AGAP3: variants seen among roughly 807,000 people sequenced by gnomAD.
AGAP3 encodes the protein ArfGAP with GTPase domain, ankyrin repeat and PH domain 3.
A neutral mutation model predicts 96.9 loss-of-function variants in AGAP3; 24 were observed. The observed-to-expected ratio is 0.25, with a 90% CI of 0.18 to 0.35. The LOEUF (loss-of-function observed/expected upper bound fraction) is 0.35, where lower values mean the gene tolerates loss of function less well. AGAP3 is among the 10% of genes least tolerant of loss of function. The probability of loss-of-function intolerance (pLI) is 1.00; values close to 1 mark genes in which losing one functional copy is unlikely to be tolerated. For synonymous variants in AGAP3, 563 were observed against 536.1 expected, an observed-to-expected ratio of 1.05 and a Z score of -0.69; for missense variants, 876 against 1,254.2, an observed-to-expected ratio of 0.70 and a Z score of 4.55.
rs774517617 is a variant in AGAP3 at position 151,134,519 on chromosome 7, C to G, written c.1446C>G (p.Ala482=). 2.5e-6 allele frequency: 4 copies of G among 1,613,196 alleles called. No individual in the cohort carries two copies. Among genetic ancestry groups the G allele is most frequent in the Non-Finnish European group, 2.5e-6 (3 of 1,179,954 alleles). ...PATAPGTSPR[A]NGLSVERSNT... ...CAGCCCCGGGCACCAGCCCCCGTGC[C>G]AACGGGCTGTCCGTGGAGCGGAGTA... The change falls in exon 11 of 18, where the codon GCC becomes GCG. Residue 482 remains alanine, a synonymous_variant. Transcript: ENST00000397238.
At position 151,118,366 on chromosome 7, in the gene AGAP3, A is replaced by T. The variant is rs766751188; in HGVS notation, c.841+22A>T. 4 of 1,601,856 alleles carry T rather than the reference A, an allele frequency of 2.5e-6. No homozygotes were observed. The South Asian group carries it at 3.3e-5, about 13-fold the overall frequency. ...GACGGTAACTCGGGTGCCGGGTGGG[A>T]GTCACTGGCAGCCGCGGCCCCAGTG... On this transcript the variant is annotated intron_variant, in intron 6 of 17. Coordinates refer to ENST00000397238, the MANE Select transcript of AGAP3 (RefSeq NM_031946.7). This position sits in a 1 kb window ranked among gnomAD's most constrained non-coding sequence, Gnocchi z 6.1.
intron 1 of AGAP3, chr7:151,115,267 G>C (rs1344127214): frequency 2.0e-6 from 2 of 1,001,344 alleles, no homozygotes; most frequent in Non-Finnish European, 2.4e-6. Context: ...AGCAGCCAGC[G>C]CTGGCCAGTG....
chr7:151,096,498 A>C lies in AGAP3; in HGVS notation c.331+9426A>C, dbSNP rs1798609038. ...TTTTCTTTTTTTTTTTTTGAGGTGGAGTCTCGCTCTGTCGCCCAGGCTGGA... is the reference window on the plus strand; with the variant it reads ...TTTTCTTTTTTTTTTTTTGAGGTGGCGTCTCGCTCTGTCGCCCAGGCTGGA... On this transcript the variant is annotated intron_variant, in intron 1 of 17. Coordinates refer to ENST00000397238, the MANE Select transcript of AGAP3 (RefSeq NM_031946.7). This position sits in a 1 kb window ranked among gnomAD's most constrained non-coding sequence, Gnocchi z 4.4. Among the ~76,000 whole-genome samples the C allele has an allele frequency of 6.8e-6, 1 of 147,464 alleles. No homozygotes were observed. Among genetic ancestry groups the C allele is most frequent in the South Asian group, 2.1e-4 (1 of 4,672 alleles).
At position 151,103,334 on chromosome 7, in the gene AGAP3, C is replaced by T. The variant is rs141316561; in HGVS notation, c.332-13459C>T. ...TTATGCACAGGGAGAAAGATAAGAC[C>T]TTTAAAAACAGAGCAGAAATTTAGA... On this transcript the variant is annotated intron_variant, in intron 1 of 17. Transcript: ENST00000397238. Among the ~76,000 whole-genome samples, 249 of 152,292 alleles carry T rather than the reference C, an allele frequency of 1.6e-3. 1 individual carries two copies. Among genetic ancestry groups the T allele is most frequent in the African/African-American group, 5.2e-3 (216 of 41,544 alleles).
upstream of AGAP3, among the ~76,000 whole-genome samples, chr7:151,086,239 G>C (rs1197760589): frequency 6.6e-6 from 1 of 151,922 alleles, no homozygotes; most frequent in East Asian, 1.9e-4. Context: ...TGAGGAGGCG[G>C]AAGGGCCGAG....
rs1344703036 is a variant in AGAP3 at position 151,109,173 on chromosome 7, A to AC, written c.332-7620_332-7619insC. Among the ~76,000 whole-genome samples the AC allele has an allele frequency of 2.0e-5, 3 of 147,504 alleles. No homozygotes were observed. In the East Asian group the frequency reaches 6.1e-4, roughly 30 times the overall value. ...TGAGACTCCCACCTCTGTAAAAAAA[A>AC]AAAAAAACAAAAAACAAAAAACAAA... On this transcript the variant is annotated intron_variant, in intron 1 of 17. Transcript: ENST00000397238.
intron 8 of AGAP3, chr7:151,123,455 T>G: frequency 8.7e-7 from 1 of 1,155,418 alleles, no homozygotes; most frequent in South Asian, 2.4e-5. Context: ...TCGCGCCCTG[T>G]GCTCCCGACC....
chr7:151,095,184 G>A (rs10952301), intron 1 of AGAP3, among the ~76,000 whole-genome samples: 118,192 of 152,186 alleles, frequency 0.78, 45,980 homozygotes, highest in East Asian at 0.98. Flanking sequence ...CTCTTTTAAT[G>A]TAGGTTTTTC....
intron 1 of AGAP3, among the ~76,000 whole-genome samples, chr7:151,100,031 A>G (rs1798774132): frequency 6.6e-6 from 1 of 152,158 alleles, no homozygotes; most frequent in African/African-American, 2.4e-5. Flanking sequence ...TGCAGCAGTC[A>G]GTGACGGATC....
At position 151,141,862 on chromosome 7, in the gene AGAP3, C is replaced by T. The variant is rs1394381344; in HGVS notation, c.1805-36C>T. 1.2e-6 allele frequency: 2 copies of T among 1,613,976 alleles called. No homozygotes were observed. Among genetic ancestry groups the T allele is most frequent in the Non-Finnish European group, 1.7e-6 (2 of 1,179,886 alleles). On this transcript the variant is annotated intron_variant, in intron 13 of 17. Coordinates refer to ENST00000397238, the MANE Select transcript of AGAP3 (RefSeq NM_031946.7). The surrounding 1 kb of genome is among the most constrained non-coding windows in gnomAD (Gnocchi z 4.2). The stretch of plus-strand genomic sequence containing the variant: ...AGCATGCCCTGGGTGTGCACGCAGG[C>T]CAGGAGCCCTGATGGCATAAACACC...
At chr7:151,116,996 C>T in intron 2 of AGAP3, 99 bp from the exon 3 acceptor site, 2 of 1,479,922 alleles carry the variant, frequency 1.4e-6, no homozygotes, top group Non-Finnish European at 1.9e-6. Context: ...CCCTTCAGCC[C>T]TGGCCTTTCT....
chr7:151,108,354 G>A lies in AGAP3; in HGVS notation c.332-8439G>A, dbSNP rs1283837392. Among the ~76,000 whole-genome samples, 2 of 152,088 alleles carry A rather than the reference G, an allele frequency of 1.3e-5. No homozygotes were observed. ...AAGGCCATTTTCGGCTGGAATGACA[G>A]CCACTCCCACCCCCACCCTGGGGTA... On this transcript the variant is annotated intron_variant, in intron 1 of 17. Coordinates refer to ENST00000397238, the MANE Select transcript of AGAP3 (RefSeq NM_031946.7). The surrounding 1 kb of genome is among the most constrained non-coding windows in gnomAD (Gnocchi z 4.2).
At chr7:151,138,472 C>T (rs556255068) in intron 12 of AGAP3, among the ~76,000 whole-genome samples, 159 bp downstream of exon 12, 32 of 152,236 alleles carry the variant, frequency 2.1e-4, no homozygotes, top group Non-Finnish European at 4.3e-4. Context: ...CAGAGAGACC[C>T]TGCTTCGGGG....
At chr7:151,128,514 T>G in intron 9 of AGAP3, 66 bp from the exon 10 acceptor site, 7 of 1,394,118 alleles carry the variant, frequency 5.0e-6, no homozygotes, top group South Asian at 1.2e-5. Context: ...GACGACATCG[T>G]GACCTCCTCA....
At chr7:151,107,535 G>A (rs1188802630) in intron 1 of AGAP3, among the ~76,000 whole-genome samples, 2 of 150,312 alleles carry the variant, frequency 1.3e-5, no homozygotes, top group Non-Finnish European at 3.0e-5. Context: ...GAGGCGGGAG[G>A]ATCGATTGAG....
intron 1 of AGAP3, among the ~76,000 whole-genome samples, chr7:151,094,986 C>T (rs1186919484): frequency 1.3e-5 from 2 of 152,038 alleles, no homozygotes; most frequent in Non-Finnish European, 2.9e-5. Context: ...GCAATCCTCC[C>T]ACCTCAGCCT....
intron 9 of AGAP3, among the ~76,000 whole-genome samples, chr7:151,126,718 G>C (rs1445577725): frequency 6.6e-6 from 1 of 152,210 alleles, no homozygotes; most frequent in Non-Finnish European, 1.5e-5. Context: ...CCAGTGACAG[G>C]AATACCACAC....
At chr7:151,128,499 T>C (rs1412272086) in intron 9 of AGAP3, 81 bp from the exon 10 acceptor site, 5 of 1,183,782 alleles carry the variant, frequency 4.2e-6, no homozygotes, top group Non-Finnish European at 6.2e-6. Flanking sequence ...GGGAGGGCAT[T>C]GCCTGACGAC....
At chr7:151,126,080 GGCCCGGTCGTTCC>G (rs1800151338) in intron 9 of AGAP3, among the ~76,000 whole-genome samples, 6 of 151,574 alleles carry the variant, frequency 4.0e-5, no homozygotes, top group African/African-American at 1.2e-4. Flanking sequence ...GGGGCTGAGC[GGCCCGGTCGTTCC>G]GCCCGCGCCC....
Sources: allele counts gnomAD v4.1 joint callset (sites outside exome capture counted in the v4.1 genomes callset), GRCh38; gene constraint gnomAD v4.1.1; non-coding constraint Gnocchi (gnomAD v3.1); transcripts MANE v1.5; gene names NCBI Gene and HGNC (gene_info 2026-07-23, HGNC 2026-07-21).